Variants in S100A11 observed in about 807,000 individuals in gnomAD.
The protein encoded by S100A11 is protein S100-A11.
S100A11 carries 5 observed loss-of-function variants against 7.4 expected under a neutral mutation model. The ratio of observed to expected loss-of-function variants is 0.68; its 90% confidence interval spans 0.35 to 1.42. The LOEUF (loss-of-function observed/expected upper bound fraction) is 1.42. Among genes scored for constraint, S100A11 ranks in the 40% most tolerant of loss-of-function variants. S100A11 has a pLI of 0.04. For missense variants in S100A11, 96 were observed against 125.0 expected (o/e 0.77, Z 1.11); for synonymous variants, 47 against 46.6 (o/e 1.01, Z -0.04).
Position 152,033,908 on chromosome 1 carries a change from A to G in S100A11, c.4-108T>C. 1 of 996,600 alleles carries G rather than the reference A, an allele frequency of 1.0e-6. No homozygotes were observed. The highest frequency in any genetic ancestry group is 1.6e-5 in the African/African-American group (1 of 61,900). 61.7% of individuals were successfully genotyped at this position (996,600 alleles called of 1,614,324 possible). A position where few individuals can be genotyped will look rare whatever the true frequency, so the allele number is the denominator to read the frequency against. The stretch of plus-strand genomic sequence containing the variant: ...TCAGGTCAAAGCAGTTTCCTAAAAG[A>G]CTGAGTCATTTTTTCAAGGGGCTGA... On this transcript the variant is annotated intron_variant, in intron 1 of 2. Coordinates refer to ENST00000271638, the MANE Select transcript of S100A11 (RefSeq NM_005620.2). The surrounding 1 kb of genome is among the most constrained non-coding windows in gnomAD (Gnocchi z 4.0).
At chr1:152,035,634 C>T (rs918251271) in intron 1 of S100A11, among the ~76,000 whole-genome samples, 1 of 152,198 alleles carries the variant, frequency 6.6e-6, no homozygotes, top group African/African-American at 2.4e-5. Context: ...CTCCAGGGCA[C>T]TTTGGAGATG....
chr1:152,035,689 C>T (rs1198177101), intron 1 of S100A11, among the ~76,000 whole-genome samples: 2 of 152,164 alleles, frequency 1.3e-5, no homozygotes, highest in African/African-American at 2.4e-5. Flanking sequence ...CCCAGGGTGG[C>T]GCAGTGGCTG....
In S100A11 at chr1:152,036,976, C is replaced by T. The variant is rs1314711938; in HGVS notation, c.-61G>A. 8 of 1,611,394 alleles carry T rather than the reference C, an allele frequency of 5.0e-6. No homozygotes were observed. The Admixed American group carries it at 1.2e-4, about 24-fold the overall frequency. On this transcript the variant is annotated 5_prime_UTR_variant, in exon 1 of 3. Transcript: ENST00000271638. Reference sequence around the variant, plus strand: ...GGAGCGGCGCTGAGAGCTCTGTGCGCGCGGCGTGCGGGTCTGGAGCCTCTC... The same window carrying T: ...GGAGCGGCGCTGAGAGCTCTGTGCGTGCGGCGTGCGGGTCTGGAGCCTCTC...
At chr1:152,035,277 G>C (rs1007431796) in intron 1 of S100A11, among the ~76,000 whole-genome samples, 1 of 152,208 alleles carries the variant, frequency 6.6e-6, no homozygotes, top group Non-Finnish European at 1.5e-5. Context: ...TAAGGTATCA[G>C]ATGACAGGAA....
intron 1 of S100A11, among the ~76,000 whole-genome samples, chr1:152,036,615 T>TCCC (rs150529562): frequency 0.065 from 9,582 of 147,028 alleles, 543 homozygotes; most frequent in African/African-American, 0.14. Flanking sequence ...CCACGACGGG[T>TCCC]CCCCCCCCCG....
rs879099670 is a variant in S100A11, at chr1:152,032,826, G to T, written c.157-3C>A. The T allele has an allele frequency of 1.9e-6, 3 of 1,601,524 alleles. No individual in the cohort carries two copies. The highest frequency in any genetic ancestry group is 2.6e-6 in the Non-Finnish European group (3 of 1,171,026). On this transcript the variant is annotated splice_region_variant and splice_polypyrimidine_tract_variant and intron_variant, in intron 2 of 2. Coordinates refer to ENST00000271638, the MANE Select transcript of S100A11 (RefSeq NM_005620.2). ...AGGACACCAGGGTCCTTCTGGTTCT[G>T]CAGAGAAAATAATAATTACACCTTT...
At chr1:152,034,329 T>C (rs1345793322) in intron 1 of S100A11, among the ~76,000 whole-genome samples, 4 of 152,210 alleles carry the variant, frequency 2.6e-5, no homozygotes, top group South Asian at 2.1e-4. Flanking sequence ...CAGTGGGAGA[T>C]AGAACTTTTT....
At chr1:152,035,664 A>C (rs1184252191) in intron 1 of S100A11, among the ~76,000 whole-genome samples, 1 of 152,194 alleles carries the variant, frequency 6.6e-6, no homozygotes, top group Non-Finnish European at 1.5e-5. Flanking sequence ...GACGCCCAGA[A>C]ACCGGAAAGC....
chr1:152,036,834 T>G, intron 1 of S100A11, 79 bp downstream of exon 1: 1 of 1,282,730 alleles, frequency 7.8e-7, no homozygotes, highest in South Asian at 1.2e-5. Flanking sequence ...AAAGATAAAG[T>G]CTGCTGGGAA....
chr1:152,036,950 G>A lies in S100A11; in HGVS notation c.-35C>T. ...GAGCGAGGCGCGGGAGGCTGTGGCTGGGAGCGGCGCTGAGAGCTCTGTGCG... is the reference window on the plus strand; with the variant it reads ...GAGCGAGGCGCGGGAGGCTGTGGCTAGGAGCGGCGCTGAGAGCTCTGTGCG... On this transcript the variant is annotated 5_prime_UTR_variant, in exon 1 of 3. Coordinates refer to ENST00000271638, the MANE Select transcript of S100A11 (RefSeq NM_005620.2). The A allele has an allele frequency of 6.2e-7, 1 of 1,613,274 alleles. No individual in the cohort carries two copies.
In S100A11 at chr1:152,032,685, C is replaced by T. The variant is rs143020377; in HGVS notation, c.295G>A (p.Val99Ile). 6.5e-5 allele frequency: 105 copies of T among 1,613,080 alleles called. No homozygotes were observed. In the African/African-American group the frequency reaches 1.3e-3, roughly 19 times the overall value. The stretch of plus-strand genomic sequence containing the variant: ...CCTCAGGTCCGCTTCTGGGAAGGGA[C>T]AGCCTTGAGGAAGGAGTCATGGCAA... ...MACHDSFLKAVPSQKRT is the reference protein window; with the variant it reads ...MACHDSFLKAIPSQKRT The change falls in exon 3 of 3, where the codon GTC becomes ATC. Residue 99 changes from valine to isoleucine, a missense_variant. Transcript: ENST00000271638.
intron 1 of S100A11, among the ~76,000 whole-genome samples, chr1:152,035,637 T>C (rs1656816223): frequency 6.6e-6 from 1 of 152,190 alleles, no homozygotes. Flanking sequence ...CAGGGCACTT[T>C]GGAGATGGGT....
Position 152,032,510 on chromosome 1 carries a change from T to C in S100A11, c.*152A>G. 1.7e-6 allele frequency: 1 copy of C among 590,378 alleles called. No individual in the cohort carries two copies. Among genetic ancestry groups the C allele is most frequent in the Non-Finnish European group, 2.9e-6 (1 of 343,016 alleles). 36.6% of individuals were successfully genotyped at this position (590,378 alleles called of 1,614,324 possible). A position where few individuals can be genotyped will look rare whatever the true frequency, so the allele number is the denominator to read the frequency against. On this transcript the variant is annotated 3_prime_UTR_variant, in exon 3 of 3. Transcript: ENST00000271638. ...ACAAATTCACCAACTCTCTAGTTCA[T>C]GTTTTAAAAAAGTGACATTGCTTTA...
intron 1 of S100A11, among the ~76,000 whole-genome samples, chr1:152,035,056 G>A (rs1335918803): frequency 1.3e-5 from 2 of 152,170 alleles, no homozygotes; most frequent in East Asian, 3.9e-4. Flanking sequence ...TAGAACCCCT[G>A]AACCCTAAGA....
chr1:152,032,795 C>A lies in S100A11; in HGVS notation c.185G>T (p.Arg62Leu). ...GTTGGTGTCCAGTTTCTTCATCATG[C>A]GGTCAAGGACACCAGGGTCCTTCTG... Reference protein sequence around the residue: ...KNQKDPGVLDRMMKKLDTNSD... With the variant: ...KNQKDPGVLDLMMKKLDTNSD... Residue 62 changes from arginine (R) to leucine (L), a missense_variant, in exon 3 of 3, where the codon CGC becomes CTC. Transcript: ENST00000271638. The A allele has an allele frequency of 6.2e-7, 1 of 1,612,938 alleles. No individual in the cohort carries two copies. The highest frequency in any genetic ancestry group is 8.5e-7 in the Non-Finnish European group (1 of 1,178,960).
chr1:152,033,659 C>T lies in S100A11; in HGVS notation c.145G>A (p.Ala49Thr). Reference protein sequence around the residue: ...FLSFMNTELAAFTKNQKDPGV... With the variant: ...FLSFMNTELATFTKNQKDPGV... ...ACAGGGACCAGTACCTTTGTGAAGG[C>T]AGCTAGTTCTGTATTCATGAAGCTT... The change falls in exon 2 of 3, where the codon GCC becomes ACC. Residue 49 changes from alanine to threonine, a missense_variant. Ala to Thr is a moderately conservative substitution (Grantham distance 58). Coordinates refer to ENST00000271638, the MANE Select transcript of S100A11 (RefSeq NM_005620.2). The surrounding 1 kb of genome is among the most constrained non-coding windows in gnomAD (Gnocchi z 4.0). 3 of 1,613,392 alleles carry T rather than the reference C, an allele frequency of 1.9e-6. No individual in the cohort carries two copies. The highest frequency in any genetic ancestry group is 2.5e-6 in the Non-Finnish European group (3 of 1,179,774).
At chr1:152,036,612 G>C (rs905182017) in intron 1 of S100A11, among the ~76,000 whole-genome samples, 1 of 147,234 alleles carries the variant, frequency 6.8e-6, no homozygotes, top group Non-Finnish European at 1.5e-5. Flanking sequence ...GACCCACGAC[G>C]GGTCCCCCCC....
intron 1 of S100A11, among the ~76,000 whole-genome samples, chr1:152,036,675 G>C (rs755768599): frequency 7.9e-5 from 12 of 151,532 alleles, no homozygotes; most frequent in Non-Finnish European, 1.6e-4. Flanking sequence ...GCCTTGTCGT[G>C]ACTGGGAAGG....
intron 1 of S100A11, among the ~76,000 whole-genome samples, chr1:152,036,416 C>T (rs1313586757): frequency 6.6e-6 from 1 of 152,204 alleles, no homozygotes; most frequent in Non-Finnish European, 1.5e-5. Flanking sequence ...GGGTCTTGGC[C>T]GTCTGCCGGG....
Sources: gnomAD v4.1 joint callset for allele counts (sites outside exome capture counted in the v4.1 genomes callset) on GRCh38, gnomAD v4.1.1 for gene constraint, Gnocchi (gnomAD v3.1) non-coding constraint, MANE v1.5 for transcripts, NCBI Gene and HGNC (gene_info 2026-07-23, HGNC 2026-07-21) for gene names.